DZANK1: variants seen among roughly 807,000 people sequenced by gnomAD.
DZANK1 encodes double zinc ribbon and ankyrin repeat-containing protein 1.
DZANK1 carries 91 observed loss-of-function variants against 94.5 expected under a neutral mutation model. The ratio of observed to expected loss-of-function variants is 0.96; its 90% CI spans 0.81 to 1.15. The LOEUF (loss-of-function observed/expected upper bound fraction) is 1.15, where lower values mean the gene tolerates loss of function less well. Ranked by LOEUF, DZANK1 falls within the 50% of genes most tolerant of loss-of-function variation. The probability of loss-of-function intolerance (pLI) is 0.00; values close to 1 mark genes in which losing one functional copy is unlikely to be tolerated. For synonymous variants in DZANK1, 312 were observed against 325.3 expected (o/e 0.96, Z 0.44); for missense variants, 903 against 916.4 (o/e 0.99, Z 0.19).
At chr20:18,411,099 AAAG>A (rs1212672005) in intron 13 of DZANK1, among the ~76,000 whole-genome samples, 2 of 152,236 alleles carry the variant, frequency 1.3e-5, no homozygotes, top group African/African-American at 4.8e-5. Flanking sequence ...TAAACGAGGA[AAAG>A]AAGAGCAAAG....
intron 10 of DZANK1, among the ~76,000 whole-genome samples, chr20:18,426,293 C>T (rs531127677): frequency 6.6e-6 from 1 of 152,144 alleles, no homozygotes; most frequent in Non-Finnish European, 1.5e-5. Context: ...CATCCTGAAT[C>T]CATCCCCCAA....
At chr20:18,422,560 T>C (rs2057831987) in intron 10 of DZANK1, among the ~76,000 whole-genome samples, 1 of 152,202 alleles carries the variant, frequency 6.6e-6, no homozygotes, top group African/African-American at 2.4e-5. Flanking sequence ...ACTATGTTAT[T>C]TAAAATATTA....
intron 4 of DZANK1, chr20:18,454,645 A>G (rs556433688): frequency 1.3e-5 from 2 of 155,094 alleles, no homozygotes; most frequent in African/African-American, 4.8e-5. Context: ...AGATTTCAAC[A>G]TAAAAGAATT....
At chr20:18,464,135 G>A (rs1407219178) in intron 2 of DZANK1, among the ~76,000 whole-genome samples, 2 of 151,160 alleles carry the variant, frequency 1.3e-5, no homozygotes, top group South Asian at 2.1e-4. Flanking sequence ...GTACAGTGGC[G>A]CCATCTCGGC....
In DZANK1 at chr20:18,389,839, C is replaced by G; in HGVS notation, c.1891-11G>C. 1 of 1,613,474 alleles carries G rather than the reference C, an allele frequency of 6.2e-7. No individual in the cohort carries two copies. Among genetic ancestry groups the G allele is most frequent in the Non-Finnish European group, 8.5e-7 (1 of 1,179,576 alleles). ...GTTGGGGTCTGCTCCCTGCAGCAAA[C>G]GGAAAAGGACAAACTCTCCAAAACA... is the stretch of plus-strand genomic sequence containing the variant. On this transcript the variant is annotated splice_polypyrimidine_tract_variant and intron_variant, in intron 18 of 20. Coordinates refer to ENST00000262547, the Ensembl canonical transcript of DZANK1.
At chr20:18,400,241 A>T (rs1181506072) in intron 13 of DZANK1, among the ~76,000 whole-genome samples, 1 of 152,216 alleles carries the variant, frequency 6.6e-6, no homozygotes, top group East Asian at 1.9e-4. Context: ...ATGATGGCGT[A>T]TAAAGAGCAG....
chr20:18,448,657 A>G (rs2058973465), intron 7 of DZANK1, among the ~76,000 whole-genome samples: 1 of 152,086 alleles, frequency 6.6e-6, no homozygotes, highest in Admixed American at 6.5e-5. Flanking sequence ...TCACGAGGTC[A>G]AGAGATCAAG....
exon 7 of DZANK1, chr20:18,449,014 A>T: frequency 6.2e-7 from 1 of 1,613,698 alleles, no homozygotes; most frequent in Non-Finnish European, 8.5e-7. Context: ...TTGAATTCTC[A>T]TTATCTCCGT....
intron 15 of DZANK1, among the ~76,000 whole-genome samples, chr20:18,395,760 A>G (rs2056307005): frequency 6.6e-6 from 1 of 152,106 alleles, no homozygotes; most frequent in Non-Finnish European, 1.5e-5. Flanking sequence ...CTTCCCCTGA[A>G]GTTCCTCTCT....
At chr20:18,436,385 A>G (rs1433535530) in intron 8 of DZANK1, among the ~76,000 whole-genome samples, 3 of 148,098 alleles carry the variant, frequency 2.0e-5, no homozygotes, top group Non-Finnish European at 4.5e-5. Flanking sequence ...CGGAGCTTGC[A>G]GTGAGCCGAG....
intron 19 of DZANK1, among the ~76,000 whole-genome samples, chr20:18,385,957 G>A (rs2048465418): frequency 6.6e-6 from 1 of 152,230 alleles, no homozygotes; most frequent in African/African-American, 2.4e-5. Flanking sequence ...GGAGGCTGGA[G>A]TGGCGCCAGG....
chr20:18,426,089 G>A (rs991485347), intron 10 of DZANK1, among the ~76,000 whole-genome samples: 1 of 152,188 alleles, frequency 6.6e-6, no homozygotes, highest in Non-Finnish European at 1.5e-5. Flanking sequence ...GCCATGGACT[G>A]TACTTATCTG....
rs1263241171 is a variant in DZANK1, at chr20:18,441,309, G to C, written c.747+2038C>G. ...AGCTCGGCACTGTTCCCAAGCAAAG[G>C]ACAAGACCAAACCACTTCCAAAATC... is the stretch of plus-strand genomic sequence containing the variant. On this transcript the variant is annotated intron_variant, in intron 8 of 20. Coordinates refer to ENST00000262547, the Ensembl canonical transcript of DZANK1. This position sits in a 1 kb window ranked among gnomAD's most constrained non-coding sequence, Gnocchi z 4.1. 6.6e-6 allele frequency among the ~76,000 whole-genome samples: 1 copy of C among 152,118 alleles called. No homozygotes were observed. The highest frequency in any genetic ancestry group is 1.5e-5 in the Non-Finnish European group (1 of 68,028).
intron 10 of DZANK1, chr20:18,421,580 T>C (rs1487979728): frequency 6.6e-6 from 1 of 152,230 alleles, no homozygotes; most frequent in Non-Finnish European, 1.5e-5. Flanking sequence ...CAAAGGCACC[T>C]TGAAATGAAG....
chr20:18,397,294 T>C (rs1307050358), intron 14 of DZANK1, among the ~76,000 whole-genome samples: 1 of 152,244 alleles, frequency 6.6e-6, no homozygotes, highest in Non-Finnish European at 1.5e-5. Flanking sequence ...CGTCTTGATG[T>C]TGGCCTATTT....
rs78369647 is a variant in DZANK1 at position 18,392,043 on chromosome 20, C to T, written c.1810-1584G>A. ...TTTATTTTCAACACGTAGAACAGTG[C>T]CTGGTACACGTGTGCTCAAAAATAA... is the stretch of plus-strand genomic sequence containing the variant. On this transcript the variant is annotated intron_variant, in intron 17 of 20. Coordinates refer to ENST00000262547, the Ensembl canonical transcript of DZANK1. Among the ~76,000 whole-genome samples, 520 of 152,268 alleles carry T rather than the reference C, an allele frequency of 3.4e-3. 5 individuals carry two copies. The highest frequency in any genetic ancestry group is 0.012 in the African/African-American group (503 of 41,552).
intron 17 of DZANK1, among the ~76,000 whole-genome samples, chr20:18,391,296 C>T (rs569454766): frequency 5.3e-5 from 8 of 152,188 alleles, no homozygotes; most frequent in African/African-American, 1.7e-4. Context: ...TGCAGTGGCA[C>T]GATCCTGGCT....
intron 2 of DZANK1, among the ~76,000 whole-genome samples, chr20:18,463,731 T>C (rs1025276430): frequency 7.2e-5 from 11 of 152,158 alleles, no homozygotes; most frequent in Admixed American, 5.9e-4. Context: ...GTTTAAAAAA[T>C]TGTATCAGCT....
chr20:18,426,251 C>G (rs1600941731), intron 10 of DZANK1, among the ~76,000 whole-genome samples: 2 of 152,326 alleles, frequency 1.3e-5, no homozygotes, highest in East Asian at 1.9e-4. Context: ...AAGAATCTAA[C>G]TCATGACTGA....
Sources: gnomAD v4.1 joint callset for allele counts (sites outside exome capture counted in the v4.1 genomes callset) on GRCh38, gnomAD v4.1.1 for gene constraint, Gnocchi (gnomAD v3.1) non-coding constraint, MANE v1.5 for transcripts, NCBI Gene and HGNC (gene_info 2026-07-23, HGNC 2026-07-21) for gene names.